The following ROBO2 variants were observed in gnomAD, a reference collection of about 807,000 sequenced individuals.
ROBO2 encodes roundabout guidance receptor 2.
In ROBO2, 53 loss-of-function variants were observed where a neutral mutation model predicts 160.8. The observed-to-expected ratio is 0.33, with a 90% confidence interval of 0.26 to 0.41. The LOEUF is 0.41. Ranked by LOEUF, ROBO2 falls within the 10% of genes least tolerant of loss-of-function variation. The probability of loss-of-function intolerance (pLI) is 1.00; values close to 1 mark genes in which losing one functional copy is unlikely to be tolerated. For synonymous variants in ROBO2, 664 were observed against 611.7 expected, an observed-to-expected ratio of 1.09 and a Z score of -1.26; for missense variants, 1,577 against 1,722.4, an observed-to-expected ratio of 0.92 and a Z score of 1.49.
rs185340535 is a variant in ROBO2, at chr3:76,111,086, T to C, written c.109+173484T>C. On this transcript the variant is annotated intron_variant, in intron 2 of 26. Transcript: ENST00000487694. ...TAAAATGTTACCATATTTGGAAAGATGGTCTTGCAGATGGAATTAGTTCAG... is the reference window on the plus strand; with the variant it reads ...TAAAATGTTACCATATTTGGAAAGACGGTCTTGCAGATGGAATTAGTTCAG... Among the ~76,000 whole-genome samples, 77 of 152,204 alleles carry C rather than the reference T, an allele frequency of 5.1e-4. 1 individual carries two copies. Among genetic ancestry groups the C allele is most frequent in the Non-Finnish European group, 1.1e-3 (72 of 68,000 alleles).
At chr3:76,223,376 G>A (rs966283951) in intron 2 of ROBO2, among the ~76,000 whole-genome samples, 3 of 151,880 alleles carry the variant, frequency 2.0e-5, no homozygotes, top group Non-Finnish European at 2.9e-5. Context: ...CTTTGGTGTG[G>A]GGAAGTAGGT....
chr3:77,453,928 A>C (rs2081358188), intron 2 of ROBO2, among the ~76,000 whole-genome samples: 1 of 152,062 alleles, frequency 6.6e-6, no homozygotes, highest in Admixed American at 6.5e-5. Context: ...AGATTGAAAC[A>C]TTTCTGATGT....
chr3:76,486,165 A>T (rs2079486576), intron 2 of ROBO2, among the ~76,000 whole-genome samples: 2 of 152,156 alleles, frequency 1.3e-5, no homozygotes, highest in Admixed American at 1.3e-4. Flanking sequence ...GGTGAACTCC[A>T]AAGTGTGACA....
intron 24 of ROBO2, 56 bp downstream of exon 26, chr3:77,642,999 A>T: frequency 2.3e-6 from 1 of 440,836 alleles, no homozygotes; most frequent in Non-Finnish European, 4.6e-6. Flanking sequence ...TTTTCCTACC[A>T]GGTATTCTAG....
At chr3:76,054,798 G>C (rs1306899631) in intron 2 of ROBO2, among the ~76,000 whole-genome samples, 2 of 152,200 alleles carry the variant, frequency 1.3e-5, no homozygotes, top group Non-Finnish European at 2.9e-5. Flanking sequence ...GAAGAGCAGA[G>C]ATTTTCTAGC....
chr3:77,093,975 A>C (rs919437748), intron 1 of ROBO2, among the ~76,000 whole-genome samples: 1 of 152,222 alleles, frequency 6.6e-6, no homozygotes, highest in Admixed American at 6.5e-5. Context: ...AAATTTTTAA[A>C]AATTGCTGGA....
At chr3:77,221,969 C>T (rs1236481574) in intron 2 of ROBO2, among the ~76,000 whole-genome samples, 2 of 151,078 alleles carry the variant, frequency 1.3e-5, no homozygotes, top group African/African-American at 2.4e-5. Context: ...TCTCTTACCT[C>T]AGCCTCCAGA....
intron 2 of ROBO2, among the ~76,000 whole-genome samples, chr3:75,999,080 T>G (rs1026761225): frequency 1.3e-5 from 2 of 152,228 alleles, no homozygotes; most frequent in Non-Finnish European, 2.9e-5. Flanking sequence ...AAATCCTACA[T>G]CCTCTGCTTT....
At chr3:76,087,707 A>T (rs760230578) in intron 2 of ROBO2, among the ~76,000 whole-genome samples, 2 of 152,184 alleles carry the variant, frequency 1.3e-5, no homozygotes, top group Admixed American at 6.6e-5. Context: ...TTCTGTTCAT[A>T]TATATGGCTA....
intron 2 of ROBO2, among the ~76,000 whole-genome samples, chr3:77,029,328 T>G (rs780771235): frequency 6.6e-6 from 1 of 152,198 alleles, no homozygotes; most frequent in Non-Finnish European, 1.5e-5. Flanking sequence ...GGAGAGAATT[T>G]TCTTTTTTAT....
chr3:76,392,584 C>T (rs2077209118), intron 2 of ROBO2, among the ~76,000 whole-genome samples: 2 of 152,030 alleles, frequency 1.3e-5, no homozygotes, highest in African/African-American at 4.8e-5. Flanking sequence ...TGTGCATTTT[C>T]CCGCAAAATG....
At chr3:76,775,934 G>A (rs528135772) in intron 2 of ROBO2, among the ~76,000 whole-genome samples, 2 of 150,760 alleles carry the variant, frequency 1.3e-5, no homozygotes, top group East Asian at 3.9e-4. Context: ...AGTTTAAAAG[G>A]ATGCAATATC....
At chr3:76,604,651 C>T (rs373931637) in intron 2 of ROBO2, among the ~76,000 whole-genome samples, 7 of 152,174 alleles carry the variant, frequency 4.6e-5, no homozygotes, top group East Asian at 3.9e-4. Context: ...CTGGACCAAC[C>T]TACTCTAGTT....
intron 2 of ROBO2, among the ~76,000 whole-genome samples, chr3:75,995,714 A>T (rs1465267107): frequency 6.6e-5 from 10 of 152,150 alleles, no homozygotes; most frequent in Non-Finnish European, 4.4e-5. Context: ...AGCTGCAGAC[A>T]CTGAAAGCCA....
chr3:75,920,721 G>A (rs538430000), intron 1 of ROBO2, among the ~76,000 whole-genome samples: 7 of 152,178 alleles, frequency 4.6e-5, no homozygotes, highest in Admixed American at 2.6e-4. Context: ...CCTGTATTTG[G>A]TGCATATATA....
intron 2 of ROBO2, among the ~76,000 whole-genome samples, chr3:77,110,856 G>C (rs150309878): frequency 1.1e-4 from 17 of 151,964 alleles, no homozygotes; most frequent in South Asian, 6.2e-4. Context: ...ACCAAGCCCA[G>C]CCAATTTTTG....
chr3:76,435,948 T>A (rs919517406), intron 2 of ROBO2, among the ~76,000 whole-genome samples: 2 of 152,178 alleles, frequency 1.3e-5, no homozygotes, highest in African/African-American at 4.8e-5. Flanking sequence ...CTTGGCCATC[T>A]AGCATTCCAT....
chr3:77,543,059 CTT>C (rs139866553), intron 6 of ROBO2, among the ~76,000 whole-genome samples: 2,539 of 152,166 alleles, frequency 0.017, 75 homozygotes, highest in African/African-American at 0.058. Flanking sequence ...TGCTGCTTCT[CTT>C]TGTCCCAAGT....
intron 2 of ROBO2, among the ~76,000 whole-genome samples, chr3:76,194,359 T>TATATATATATATAC (rs1294831157): frequency 5.1e-5 from 5 of 97,950 alleles, no homozygotes; most frequent in African/African-American, 2.2e-4. Flanking sequence ...TGTAAATATA[T>TATATATATATATAC]ATATATATAT....
Sources: gnomAD v4.1 joint callset for allele counts (sites outside exome capture counted in the v4.1 genomes callset) on GRCh38, gnomAD v4.1.1 for gene constraint, MANE v1.5 for transcripts, NCBI Gene and HGNC (gene_info 2026-07-23, HGNC 2026-07-21) for gene names.